Variants in ACYP2 observed in about 807,000 individuals in gnomAD.
The protein encoded by ACYP2 is acylphosphatase-2.
A neutral mutation model predicts 11.2 loss-of-function variants in ACYP2; 12 were observed. That is an observed-to-expected ratio of 1.08 (90% confidence interval 0.69 to 1.74). The LOEUF (loss-of-function observed/expected upper bound fraction) is 1.74, where lower values mean the gene tolerates loss of function less well. Among genes scored for constraint, ACYP2 ranks in the 40% most tolerant of loss-of-function variants. The pLI is 0.00. For synonymous variants in ACYP2, 43 were observed against 32.2 expected (o/e 1.33, Z -1.13); for missense variants, 134 against 101.9 (o/e 1.31, Z -1.35).
intron 6 of ACYP2, among the ~76,000 whole-genome samples, chr2:54,179,881 T>A (rs1683630827): frequency 1.3e-5 from 2 of 152,150 alleles, no homozygotes; most frequent in Admixed American, 1.3e-4. Context: ...CTATTCAAGA[T>A]GGAATTTTTC....
At chr2:54,118,234 A>T (rs1332648665) in intron 4 of ACYP2, among the ~76,000 whole-genome samples, 1 of 152,220 alleles carries the variant, frequency 6.6e-6, no homozygotes, top group Admixed American at 6.5e-5. Context: ...GCGGTATGTT[A>T]TCCTGCTTTG....
rs547698994 is a variant in ACYP2, at chr2:54,003,086, T to A, written c.62+29276T>A. Among the ~76,000 whole-genome samples the A allele has an allele frequency of 2.0e-5, 3 of 152,168 alleles. No individual in the cohort carries two copies. In the East Asian group the frequency reaches 5.8e-4, roughly 29 times the overall value. On this transcript the variant is annotated intron_variant, in intron 2 of 6. Transcript: ENST00000607452. ...GCCTCAGCCTCCCAAGTAGCTGGGATTACAGGCATGCGCCATCATGCACAG... is the reference window on the plus strand; with the variant it reads ...GCCTCAGCCTCCCAAGTAGCTGGGAATACAGGCATGCGCCATCATGCACAG...
At chr2:53,994,575 A>AGAG (rs1457844831) in intron 2 of ACYP2, among the ~76,000 whole-genome samples, 1 of 151,530 alleles carries the variant, frequency 6.6e-6, no homozygotes, top group Non-Finnish European at 1.5e-5. Flanking sequence ...GTGGACTATG[A>AGAG]GAGGCAATAA....
At chr2:54,128,435 A>C (rs1174305394) in intron 4 of ACYP2, among the ~76,000 whole-genome samples, 1 of 151,976 alleles carries the variant, frequency 6.6e-6, no homozygotes, top group Non-Finnish European at 1.5e-5. Context: ...TGGGAGGCTG[A>C]GGCAGTTGGA....
At chr2:54,120,497 G>A (rs1680084634) in intron 4 of ACYP2, among the ~76,000 whole-genome samples, 1 of 152,196 alleles carries the variant, frequency 6.6e-6, no homozygotes, top group African/African-American at 2.4e-5. Context: ...CTATCTGTTG[G>A]TATACATGTG....
intron 6 of ACYP2, among the ~76,000 whole-genome samples, chr2:54,207,988 A>G (rs1685153933): frequency 6.6e-6 from 1 of 152,188 alleles, no homozygotes; most frequent in Non-Finnish European, 1.5e-5. Context: ...TAAGCCTGTT[A>G]TAACACAGAG....
At chr2:53,974,279 TG>T (rs1671353725) in intron 2 of ACYP2, among the ~76,000 whole-genome samples, 2 of 151,988 alleles carry the variant, frequency 1.3e-5, no homozygotes, top group African/African-American at 4.8e-5. Flanking sequence ...AGATATTGGG[TG>T]AGGACGACAA....
chr2:54,147,948 G>C (rs925137340), intron 6 of ACYP2, among the ~76,000 whole-genome samples: 1 of 151,980 alleles, frequency 6.6e-6, no homozygotes, highest in African/African-American at 2.4e-5. Flanking sequence ...ATAAAAAAAG[G>C]GTTCATTTTT....
At chr2:54,269,522 C>T (rs1688186123) in intron 6 of ACYP2, among the ~76,000 whole-genome samples, 1 of 152,190 alleles carries the variant, frequency 6.6e-6, no homozygotes, top group Non-Finnish European at 1.5e-5. Context: ...ACCATCATCA[C>T]ATATGGTTGG....
At chr2:54,266,782 AT>A (rs917285123) in intron 6 of ACYP2, among the ~76,000 whole-genome samples, 1 of 149,466 alleles carries the variant, frequency 6.7e-6, no homozygotes, top group Non-Finnish European at 1.5e-5. Context: ...ATTTTTTTGT[AT>A]TTTTTTTAGT....
At chr2:54,300,319 A>G (rs1438062059) in intron 6 of ACYP2, among the ~76,000 whole-genome samples, 1 of 152,180 alleles carries the variant, frequency 6.6e-6, no homozygotes, top group Non-Finnish European at 1.5e-5. Context: ...CCCTTTCAAG[A>G]TTGAAGGATT....
intron 2 of ACYP2, among the ~76,000 whole-genome samples, chr2:53,997,370 A>G (rs914690322): frequency 6.6e-6 from 1 of 151,996 alleles, no homozygotes; most frequent in Admixed American, 6.6e-5. Flanking sequence ...CAGTGGTGCA[A>G]TCTCAGCTCA....
chr2:54,052,155 A>G lies in ACYP2; in HGVS notation c.155+1105A>G, dbSNP rs563543152. Among the ~76,000 whole-genome samples the G allele has an allele frequency of 2.0e-5, 3 of 152,266 alleles. No homozygotes were observed. In the East Asian group the frequency reaches 5.8e-4, roughly 29 times the overall value. On this transcript the variant is annotated intron_variant, in intron 3 of 6. Transcript: ENST00000607452. ...AAGATGAAGAAGATGATGATGCTGA[A>G]TAAGTTTGTTTTAGTGCAGTTTTTT...
intron 6 of ACYP2, among the ~76,000 whole-genome samples, chr2:54,245,640 A>AT (rs1488681983): frequency 4.0e-5 from 6 of 148,744 alleles, no homozygotes; most frequent in East Asian, 2.0e-4. Context: ...TTTTCCATGT[A>AT]TTTTTTTGGA....
At chr2:54,050,229 A>T (rs909544671) in intron 2 of ACYP2, among the ~76,000 whole-genome samples, 1 of 152,146 alleles carries the variant, frequency 6.6e-6, no homozygotes, top group African/African-American at 2.4e-5. Flanking sequence ...TTATTTGAGG[A>T]CCTGCTGTAT....
At chr2:54,217,454 C>T (rs1396550928) in intron 6 of ACYP2, among the ~76,000 whole-genome samples, 2 of 152,138 alleles carry the variant, frequency 1.3e-5, no homozygotes, top group African/African-American at 2.4e-5. Context: ...GTGGCCTCTA[C>T]CTCCTGGGCT....
At chr2:54,232,277 T>C (rs535262335) in intron 6 of ACYP2, among the ~76,000 whole-genome samples, 1 of 152,282 alleles carries the variant, frequency 6.6e-6, no homozygotes, top group African/African-American at 2.4e-5. Context: ...TGTACTACAC[T>C]CTCCAGAGGA....
At chr2:54,104,952 G>A (rs1679078210) in intron 4 of ACYP2, among the ~76,000 whole-genome samples, 1 of 152,224 alleles carries the variant, frequency 6.6e-6, no homozygotes, top group Middle Eastern at 3.2e-3. Context: ...GTTACAAGCT[G>A]AGGCATGGGG....
At chr2:54,259,766 A>G (rs1687703066) in intron 6 of ACYP2, among the ~76,000 whole-genome samples, 1 of 152,222 alleles carries the variant, frequency 6.6e-6, no homozygotes, top group South Asian at 2.1e-4. Context: ...TGGGATCATG[A>G]CAAGAGTAGT....
Sources: gnomAD v4.1 joint callset for allele counts (sites outside exome capture counted in the v4.1 genomes callset) on GRCh38, gnomAD v4.1.1 for gene constraint, MANE v1.5 for transcripts, NCBI Gene and HGNC (gene_info 2026-07-23, HGNC 2026-07-21) for gene names.